Variants in JARID2 observed in about 807,000 individuals in gnomAD.
JARID2 encodes jumonji and AT-rich interaction domain containing 2, also known as protein Jumonji.
A neutral mutation model predicts 125.6 loss-of-function variants in JARID2; 21 were observed. That is an observed-to-expected ratio of 0.17 (90% confidence interval 0.12 to 0.24). The LOEUF is 0.24. Ranked by LOEUF, JARID2 falls within the 10% of genes least tolerant of loss-of-function variation. The pLI, the probability that JARID2 is intolerant of heterozygous loss-of-function variation, is 1.00. For synonymous variants in JARID2, 736 were observed against 661.6 expected, an observed-to-expected ratio of 1.11 and a Z score of -1.73; for missense variants, 1,303 against 1,639.6, an observed-to-expected ratio of 0.79 and a Z score of 3.55.
intron 1 of JARID2, among the ~76,000 whole-genome samples, chr6:15,309,620 T>C (rs1761947070): frequency 6.6e-6 from 1 of 152,040 alleles, no homozygotes; most frequent in African/African-American, 2.4e-5. Context: ...CTTGGAAAAT[T>C]TAGTAAATAT....
At chr6:15,355,584 G>T (rs758863704) in intron 1 of JARID2, among the ~76,000 whole-genome samples, 5 of 151,016 alleles carry the variant, frequency 3.3e-5, no homozygotes, top group Non-Finnish European at 5.9e-5. Context: ...TAGACTTTTA[G>T]TCCTTAGTGC....
intron 3 of JARID2, among the ~76,000 whole-genome samples, chr6:15,413,302 T>G (rs1203609182): frequency 2.6e-5 from 4 of 152,190 alleles, no homozygotes; most frequent in African/African-American, 9.7e-5. Context: ...TATGAGCCAC[T>G]GTGCCCGGCA....
At chr6:15,429,024 T>C (rs1319963477) in intron 3 of JARID2, among the ~76,000 whole-genome samples, 1 of 151,196 alleles carries the variant, frequency 6.6e-6, no homozygotes, top group Non-Finnish European at 1.5e-5. Context: ...TTCACAGAAT[T>C]GGTTGAAAGC....
intron 2 of JARID2, among the ~76,000 whole-genome samples, chr6:15,408,188 G>GC (rs1765726217): frequency 6.6e-6 from 1 of 152,132 alleles, no homozygotes; most frequent in East Asian, 1.9e-4. Context: ...GGAGGTCAAG[G>GC]CTGCAATAAG....
intron 4 of JARID2, among the ~76,000 whole-genome samples, chr6:15,458,691 C>T (rs893507442): frequency 6.6e-6 from 1 of 152,156 alleles, no homozygotes; most frequent in African/African-American, 2.4e-5. Flanking sequence ...AGTGTGTACC[C>T]ATTAAAGCAG....
chr6:15,288,347 C>G (rs1205894042), intron 1 of JARID2, among the ~76,000 whole-genome samples: 6 of 151,986 alleles, frequency 3.9e-5, no homozygotes, highest in Admixed American at 3.9e-4. Context: ...TTTTAAACAC[C>G]CAGATATCAC....
At chr6:15,323,797 C>T (rs777766722) in intron 1 of JARID2, among the ~76,000 whole-genome samples, 2 of 151,926 alleles carry the variant, frequency 1.3e-5, no homozygotes, top group South Asian at 2.1e-4. Flanking sequence ...CTGGAGGCCA[C>T]GTGAGAATCA....
At chr6:15,313,957 G>T (rs1762098913) in intron 1 of JARID2, among the ~76,000 whole-genome samples, 1 of 152,130 alleles carries the variant, frequency 6.6e-6, no homozygotes, top group Non-Finnish European at 1.5e-5. Context: ...CTGTCTAGAA[G>T]CCCTCATGGA....
intron 2 of JARID2, among the ~76,000 whole-genome samples, chr6:15,403,736 G>C (rs933376817): frequency 1.1e-4 from 16 of 148,178 alleles, no homozygotes; most frequent in Non-Finnish European, 1.5e-5. Context: ...GGTGTGTCGT[G>C]GGGGCGGATT....
At chr6:15,413,008 GTTTTTTTTTT>G (rs1041543140) in intron 3 of JARID2, among the ~76,000 whole-genome samples, 1 of 47,474 alleles carries the variant, frequency 2.1e-5, no homozygotes, top group Non-Finnish European at 3.7e-5. Flanking sequence ...TTGTGTTTTT[GTTTTTTTTTT>G]TTTTGTTTTT....
chr6:15,485,705 A>G (rs1264125129), intron 5 of JARID2, among the ~76,000 whole-genome samples: 1 of 152,246 alleles, frequency 6.6e-6, no homozygotes, highest in Non-Finnish European at 1.5e-5. Context: ...AGCAAGAAAC[A>G]AAGAAATTTG....
chr6:15,386,119 G>A lies in JARID2; in HGVS notation c.181+11867G>A, dbSNP rs73363151. ...TTGTACTTTTACTAATATTTTTGGG[G>A]TTAATTTAATGGGCCTTAGGTGTTA... On this transcript the variant is annotated intron_variant, in intron 2 of 17. Transcript: ENST00000341776. Among the ~76,000 whole-genome samples the A allele has an allele frequency of 3.5e-3, 525 of 152,162 alleles. 4 individuals carry two copies. Among genetic ancestry groups the A allele is most frequent in the African/African-American group, 0.012 (509 of 41,512 alleles).
chr6:15,373,552 T>C (rs1764245975), intron 1 of JARID2, among the ~76,000 whole-genome samples: 1 of 152,208 alleles, frequency 6.6e-6, no homozygotes, highest in African/African-American at 2.4e-5. Context: ...TGCAGTACTC[T>C]CTCCTTTTAT....
In JARID2 at chr6:15,322,426, A is replaced by C. The variant is rs369675523; in HGVS notation, c.46-51691A>C. Among the ~76,000 whole-genome samples the C allele has an allele frequency of 2.0e-5, 3 of 152,296 alleles. 1 individual carries two copies. Among genetic ancestry groups the C allele is most frequent in the African/African-American group, 7.2e-5 (3 of 41,554 alleles). ...GTTCCTGTGAAATGTTTTATCACCCAGTGTGTTTTGTCTGTGTACAGGAAG... is the reference window on the plus strand; with the variant it reads ...GTTCCTGTGAAATGTTTTATCACCCCGTGTGTTTTGTCTGTGTACAGGAAG... On this transcript the variant is annotated intron_variant, in intron 1 of 17. Transcript: ENST00000341776.
At chr6:15,328,487 C>CTA (rs1762604158) in intron 1 of JARID2, among the ~76,000 whole-genome samples, 1 of 152,158 alleles carries the variant, frequency 6.6e-6, no homozygotes, top group Non-Finnish European at 1.5e-5. Context: ...AACTTATTAT[C>CTA]ATTTAGTGTC....
Position 15,422,138 on chromosome 6 carries a change from G to T in JARID2, c.323+11773G>T, listed in dbSNP as rs1766521214. Among the ~76,000 whole-genome samples, 3 of 152,210 alleles carry T rather than the reference G, an allele frequency of 2.0e-5. 1 individual carries two copies. The South Asian group carries it at 6.2e-4, about 32-fold the overall frequency. ...TTTTGTTTAAGGACCCTGGAGAGAA[G>T]CGCGTCCAGGAGAGGGCCCAGCTCA... On this transcript the variant is annotated intron_variant, in intron 3 of 17. Coordinates refer to ENST00000341776, the MANE Select transcript of JARID2 (RefSeq NM_004973.4).
At chr6:15,317,462 G>T (rs1022179455) in intron 1 of JARID2, among the ~76,000 whole-genome samples, 3 of 152,140 alleles carry the variant, frequency 2.0e-5, no homozygotes, top group Non-Finnish European at 4.4e-5. Context: ...TGTGGTAAGA[G>T]TAATTTCCCC....
At chr6:15,383,831 C>CT (rs2127531647) in intron 2 of JARID2, among the ~76,000 whole-genome samples, 1 of 152,274 alleles carries the variant, frequency 6.6e-6, no homozygotes, top group Admixed American at 6.5e-5. Context: ...GAGTTTCGCT[C>CT]TTGTCCAGGC....
chr6:15,488,092 A>G (rs903124145), intron 6 of JARID2, among the ~76,000 whole-genome samples: 1 of 152,206 alleles, frequency 6.6e-6, no homozygotes, highest in South Asian at 2.1e-4. Flanking sequence ...TGTAGCATCC[A>G]CAGAGTGTAG....
Sources: allele counts gnomAD v4.1 joint callset (sites outside exome capture counted in the v4.1 genomes callset), GRCh38; gene constraint gnomAD v4.1.1; transcripts MANE v1.5; gene names NCBI Gene and HGNC (gene_info 2026-07-23, HGNC 2026-07-21).